Variants in UNC13C observed in about 807,000 individuals in gnomAD.
UNC13C encodes the protein unc-13 homolog C.
UNC13C carries 174 observed loss-of-function variants against 245.4 expected under a neutral mutation model. That is an observed-to-expected ratio of 0.71 (90% CI 0.63 to 0.80). UNC13C has a LOEUF of 0.80. UNC13C is among the 30% of genes least tolerant of loss of function. The probability of loss-of-function intolerance (pLI) is 0.00; values close to 1 mark genes in which losing one functional copy is unlikely to be tolerated. For missense variants in UNC13C, 2,829 were observed against 2,602.9 expected (o/e 1.09, Z -1.89); for synonymous variants, 992 against 895.1 (o/e 1.11, Z -1.93).
At chr15:54,297,962 G>T (rs1336436335) in intron 12 of UNC13C, 36 bp downstream of exon 12, 1 of 1,284,662 alleles carries the variant, frequency 7.8e-7, no homozygotes, top group Non-Finnish European at 1.1e-6. Context: ...CAAAATATAA[G>T]AAATGTTCTT....
the UNC13C span, among the ~76,000 whole-genome samples, chr15:53,968,503 G>A: frequency 6.6e-6 from 1 of 152,114 alleles, no homozygotes; most frequent in Admixed American, 6.5e-5. Flanking sequence ...GGGTGACAAA[G>A]GAAAGGGGGT....
chr15:54,540,118 T>A (rs1384766417), intron 26 of UNC13C, among the ~76,000 whole-genome samples: 1 of 152,078 alleles, frequency 6.6e-6, no homozygotes, highest in Non-Finnish European at 1.5e-5. Context: ...AGATATTGAT[T>A]CTGTTTTCAA....
At chr15:53,991,138 A>G (rs1227799639) in intron 1 of UNC13C, among the ~76,000 whole-genome samples, 1 of 152,012 alleles carries the variant, frequency 6.6e-6, no homozygotes, top group Non-Finnish European at 1.5e-5. Context: ...ACTTCTTTCT[A>G]TTAGGGTATC....
At position 54,415,018 on chromosome 15, in the gene UNC13C, C is replaced by T. The variant is rs377386387; in HGVS notation, c.4884C>T (p.Ala1628=). 5.9e-5 allele frequency: 95 copies of T among 1,611,890 alleles called. 1 individual carries two copies. Among genetic ancestry groups the T allele is most frequent in the South Asian group, 3.3e-4 (30 of 90,852 alleles). The change falls in exon 19 of 33, where the codon GCC becomes GCT. Residue 1628 remains alanine, a synonymous_variant. Coordinates refer to ENST00000260323, the MANE Select transcript of UNC13C (RefSeq NM_001080534.3). ...PQELNMGKIS[A]EIMWTLFALD... ...AGCTGAACATGGGAAAAATAAGTGC[C>T]GAAATTATGTGGACTCTTTTTGCTC... is the stretch of plus-strand genomic sequence containing the variant.
chr15:54,159,690 T>A (rs2141264486), intron 4 of UNC13C, among the ~76,000 whole-genome samples: 1 of 152,296 alleles, frequency 6.6e-6, no homozygotes, highest in East Asian at 1.9e-4. Context: ...ATAAGGCTCA[T>A]GGGGATAATA....
rs145666990 is a variant in UNC13C, at chr15:54,585,775, C to T, written c.6106+17828C>T. On this transcript the variant is annotated intron_variant, in intron 30 of 32. Coordinates refer to ENST00000260323, the MANE Select transcript of UNC13C (RefSeq NM_001080534.3). ...ATTGCAAAGACAGAAAAAAATCTCA[C>T]CTCTTAATATAACAAGCAGATATAA... Among the ~76,000 whole-genome samples, 842 of 152,260 alleles carry T rather than the reference C, an allele frequency of 5.5e-3. 9 individuals carry two copies. Among genetic ancestry groups the T allele is most frequent in the African/African-American group, 0.019 (803 of 41,546 alleles).
At chr15:54,581,787 G>A (rs1230515109) in intron 30 of UNC13C, among the ~76,000 whole-genome samples, 1 of 152,176 alleles carries the variant, frequency 6.6e-6, no homozygotes, top group Non-Finnish European at 1.5e-5. Flanking sequence ...TAGGAGTCGG[G>A]CTCAAATATC....
At chr15:54,090,728 T>G (rs1468657318) in intron 2 of UNC13C, among the ~76,000 whole-genome samples, 1 of 152,186 alleles carries the variant, frequency 6.6e-6, no homozygotes, top group Non-Finnish European at 1.5e-5. Context: ...GAGATGGTAG[T>G]TGTTACAGCA....
intron 2 of UNC13C, among the ~76,000 whole-genome samples, chr15:54,028,776 C>T (rs907186572): frequency 6.8e-6 from 1 of 146,396 alleles, no homozygotes; most frequent in Non-Finnish European, 1.5e-5. Context: ...CCGCAAGCTC[C>T]ACCTCCCGGG....
At chr15:53,990,137 A>C (rs1424875223) in intron 1 of UNC13C, among the ~76,000 whole-genome samples, 3 of 151,980 alleles carry the variant, frequency 2.0e-5, no homozygotes, top group Non-Finnish European at 4.4e-5. Context: ...ACTGAAAGAG[A>C]GATAGATATG....
the UNC13C span, among the ~76,000 whole-genome samples, chr15:53,883,035 C>T: frequency 1.3e-5 from 2 of 151,932 alleles, no homozygotes; most frequent in Non-Finnish European, 2.9e-5. Context: ...ACATCCCGCA[C>T]ATGTACCCCT....
intron 2 of UNC13C, among the ~76,000 whole-genome samples, chr15:54,091,210 T>C (rs931244592): frequency 3.3e-5 from 5 of 152,178 alleles, no homozygotes; most frequent in African/African-American, 1.2e-4. Context: ...TGTAATTGTC[T>C]CTCCTGCACT....
intron 4 of UNC13C, among the ~76,000 whole-genome samples, chr15:54,150,509 A>C (rs1190015814): frequency 2.6e-5 from 4 of 152,206 alleles, no homozygotes; most frequent in African/African-American, 4.8e-5. Flanking sequence ...CTTAATTAGG[A>C]AAACTGTTAA....
At chr15:53,905,230 A>G in the UNC13C span, among the ~76,000 whole-genome samples, 1 of 152,174 alleles carries the variant, frequency 6.6e-6, no homozygotes, top group Non-Finnish European at 1.5e-5. Flanking sequence ...TGAAAACAGT[A>G]TCTCACAGAG....
rs749615925 is a variant in UNC13C, at chr15:54,572,166, C to G, written c.6106+4219C>G. Among the ~76,000 whole-genome samples, 22 of 151,898 alleles carry G rather than the reference C, an allele frequency of 1.4e-4. 1 individual carries two copies. Among genetic ancestry groups the G allele is most frequent in the Non-Finnish European group, 2.4e-4 (16 of 67,994 alleles). On this transcript the variant is annotated intron_variant, in intron 30 of 32. Transcript: ENST00000260323. ...TGCCAGATCCCGGGTCAACATGTAT[C>G]TAAACTCTGTGCCCTGACCTCTATG...
At chr15:54,278,649 A>AT (rs911595549) in intron 10 of UNC13C, among the ~76,000 whole-genome samples, 32 of 151,942 alleles carry the variant, frequency 2.1e-4, no homozygotes, top group African/African-American at 6.0e-4. Context: ...TGCACTAGTT[A>AT]TTTTTTTTAA....
chr15:54,507,167 C>A lies in UNC13C; in HGVS notation c.5352C>A (p.Phe1784Leu). 1 of 1,597,104 alleles carries A rather than the reference C, an allele frequency of 6.3e-7. No homozygotes were observed. Among genetic ancestry groups the A allele is most frequent in the Admixed American group, 1.7e-5 (1 of 58,052 alleles). Residue 1784 changes from phenylalanine (F) to leucine (L), a missense_variant, in exon 23 of 33, where the codon TTC (phenylalanine) becomes TTA (leucine). Phe to Leu is a conservative substitution (Grantham distance 22). Transcript: ENST00000260323. ...LQYAAIVSSD[F>L]SSHCDKENVP... is the part of the protein sequence containing the mutation. ...ATGCTGCAATTGTATCAAGTGATTT[C>A]AGTTCACATTGTGATAAGGAAAATG...
chr15:54,145,224 C>T (rs542145710), intron 4 of UNC13C, among the ~76,000 whole-genome samples: 26 of 151,870 alleles, frequency 1.7e-4, no homozygotes, highest in African/African-American at 6.3e-4. Flanking sequence ...TTTATCTAGG[C>T]AAAAAGTTTC....
chr15:54,472,232 C>T (rs1892501672), intron 19 of UNC13C, among the ~76,000 whole-genome samples: 1 of 151,716 alleles, frequency 6.6e-6, no homozygotes, highest in Non-Finnish European at 1.5e-5. Flanking sequence ...CCAAGAAAAA[C>T]TCTACACTTT....
Sources: gnomAD v4.1 joint callset for allele counts (sites outside exome capture counted in the v4.1 genomes callset) on GRCh38, gnomAD v4.1.1 for gene constraint, MANE v1.5 for transcripts, NCBI Gene and HGNC (gene_info 2026-07-23, HGNC 2026-07-21) for gene names.